RARS1: variants seen among roughly 807,000 people sequenced by gnomAD.
The protein encoded by RARS1 is arginine--tRNA ligase, cytoplasmic.
A neutral mutation model predicts 78.7 loss-of-function variants in RARS1; 75 were observed. That is an observed-to-expected ratio of 0.95 (90% CI 0.79 to 1.15). The LOEUF is 1.15. RARS1 is among the 50% of genes most tolerant of loss of function. RARS1 has a pLI of 0.00. For missense variants in RARS1, 787 were observed against 787.5 expected (o/e 1.00, Z 0.01); for synonymous variants, 273 against 268.2 (o/e 1.02, Z -0.18).
chr5:168,517,477 C>T (rs570725819), intron 13 of RARS1, among the ~76,000 whole-genome samples: 2 of 152,266 alleles, frequency 1.3e-5, no homozygotes, highest in South Asian at 4.1e-4. Context: ...TTTCTGCCTA[C>T]AAGCATCTTT....
chr5:168,494,555 A>G lies in RARS1; in HGVS notation c.484A>G (p.Ile162Val), dbSNP rs750656364. 46 of 1,609,066 alleles carry G rather than the reference A, an allele frequency of 2.9e-5. No individual in the cohort carries two copies. The East Asian group carries it at 6.9e-4, about 24-fold the overall frequency. Residue 162 changes from isoleucine (I) to valine (V), a missense_variant, in exon 5 of 15, where the codon ATT becomes GTT. Ile to Val is a conservative substitution (Grantham distance 29). Coordinates refer to ENST00000231572, the MANE Select transcript of RARS1 (RefSeq NM_002887.4). ...TTTTCTCTTCTATCCATTAGGTTTT[A>G]TTAATGTCCACTTAAGAAAGGATTT... Reference protein sequence around the residue: ...EKVEIAGPGFINVHLRKDFVS... With the variant: ...EKVEIAGPGFVNVHLRKDFVS...
At position 168,518,014 on chromosome 5, in the gene RARS1, A is replaced by G; in HGVS notation, c.1825A>G (p.Thr609Ala). The G allele has an allele frequency of 6.3e-7, 1 of 1,580,594 alleles. No individual in the cohort carries two copies. Among genetic ancestry groups the G allele is most frequent in the Non-Finnish European group, 8.6e-7 (1 of 1,162,584 alleles). ...TATATATGAGCTGGCAACTGCTTTC[A>G]CAGAGTTCTATGATAGCTGCTACTG... ...DYIYELATAF[T>A]EFYDSCYCVE... The change falls in exon 14 of 15, where the codon ACA (threonine) becomes GCA (alanine). Residue 609 changes from threonine to alanine, a missense_variant. Coordinates refer to ENST00000231572, the MANE Select transcript of RARS1 (RefSeq NM_002887.4).
intron 11 of RARS1, among the ~76,000 whole-genome samples, chr5:168,508,261 A>T (rs1256817285): frequency 1.3e-5 from 2 of 152,158 alleles, no homozygotes; most frequent in Non-Finnish European, 1.5e-5. Context: ...GATAATTTTT[A>T]AAATTTTTCT....
intron 6 of RARS1, 141 bp downstream of exon 6, chr5:168,495,577 C>A: frequency 7.7e-7 from 1 of 1,306,308 alleles, no homozygotes; most frequent in Non-Finnish European, 1.0e-6. Context: ...TTACAACCAC[C>A]CAGTAAGCTT....
rs376556548 is a variant in RARS1, at chr5:168,502,382, A to ATTTT, written c.1057+278_1057+279insTTTT. On this transcript the variant is annotated intron_variant, in intron 9 of 14. Transcript: ENST00000231572. ...AACAAATATATATATATATATATAT[A>ATTTT]TATTTTTTTTTTTTAAAACAATCTT... is the stretch of plus-strand genomic sequence containing the variant. 6.7e-3 allele frequency among the ~76,000 whole-genome samples: 800 copies of ATTTT among 119,326 alleles called. 4 individuals carry two copies. The highest frequency in any genetic ancestry group is 9.1e-3 in the Non-Finnish European group (560 of 61,560). 78.3% of individuals were successfully genotyped at this position (119,326 alleles called of 152,430 possible). A position where few individuals can be genotyped will look rare whatever the true frequency, so the allele number is the denominator to read the frequency against.
chr5:168,487,084 C>G (rs969284135), intron 1 of RARS1, among the ~76,000 whole-genome samples: 1 of 152,018 alleles, frequency 6.6e-6, no homozygotes, highest in Non-Finnish European at 1.5e-5. Context: ...TGAAAGCGGC[C>G]GGGCGCGGTG....
chr5:168,506,573 A>C, intron 10 of RARS1, 149 bp from the exon 11 acceptor site: 1 of 616,058 alleles, frequency 1.6e-6, no homozygotes, highest in East Asian at 2.8e-5. Context: ...ATATATAGGG[A>C]ATAAAAGAAG....
rs374984534 is a variant in RARS1, at chr5:168,502,067, A to T, written c.1019A>T (p.Asp340Val). 6.2e-7 allele frequency: 1 copy of T among 1,604,498 alleles called. No homozygotes were observed. The highest frequency in any genetic ancestry group is 8.5e-7 in the Non-Finnish European group (1 of 1,175,622). ...GAGAGAGGGGAATCCTTCTATCAAG[A>T]TAGGATGAATGATATTGTAAAGGAA... ...LIERGESFYQ[D>V]RMNDIVKEFE... Residue 340 changes from aspartate to valine, a missense_variant, in exon 9 of 15, where the codon GAT (aspartate) becomes GTT (valine). Asp to Val is a radical substitution (Grantham distance 152). Coordinates refer to ENST00000231572, the MANE Select transcript of RARS1 (RefSeq NM_002887.4).
At position 168,507,177 on chromosome 5, in the gene RARS1, G is replaced by T. The variant is rs967519054; in HGVS notation, c.1346+346G>T. Reference sequence around the variant, plus strand: ...AATATAGCTTATGCATTTGATAAATGTTTTTGTTTTTTCCTTCAAAGTTGA... The same window carrying T: ...AATATAGCTTATGCATTTGATAAATTTTTTTGTTTTTTCCTTCAAAGTTGA... On this transcript the variant is annotated intron_variant, in intron 11 of 14. Transcript: ENST00000231572. 7.9e-5 allele frequency among the ~76,000 whole-genome samples: 12 copies of T among 152,226 alleles called. 1 individual carries two copies. In the South Asian group the frequency reaches 2.3e-3, roughly 29 times the overall value.
chr5:168,502,396 TAAAACAA>T (rs1758349057), intron 9 of RARS1, among the ~76,000 whole-genome samples: 3 of 143,712 alleles, frequency 2.1e-5, no homozygotes, highest in South Asian at 2.2e-4. Context: ...TTTTTTTTTT[TAAAACAA>T]TCTTGCTATG....
At chr5:168,488,136 C>CTT in intron 1 of RARS1, 4 of 365,082 alleles carry the variant, frequency 1.1e-5, no homozygotes, top group Non-Finnish European at 1.6e-5. Flanking sequence ...TTTTCTTTTT[C>CTT]TTTTTTTTTG....
At chr5:168,492,927 A>G (rs1758115898) in intron 3 of RARS1, 80 bp downstream of exon 3, 6 of 1,256,510 alleles carry the variant, frequency 4.8e-6, no homozygotes, top group East Asian at 2.3e-5. Flanking sequence ...AAATAATACT[A>G]TTACAAGTTG....
chr5:168,500,493 C>T (rs1024809723), intron 7 of RARS1, 98 bp from the exon 8 acceptor site: 42 of 1,160,802 alleles, frequency 3.6e-5, no homozygotes, highest in Non-Finnish European at 4.3e-5. Flanking sequence ...TACTTTCTCA[C>T]TGTGTTTGTG....
intron 2 of RARS1, among the ~76,000 whole-genome samples, chr5:168,491,472 C>T (rs543402280): frequency 6.6e-6 from 1 of 152,294 alleles, no homozygotes; most frequent in Admixed American, 6.5e-5. Flanking sequence ...TATGTTACCA[C>T]AGAGAGGAGT....
At chr5:168,511,039 G>A (rs953178269) in intron 12 of RARS1, among the ~76,000 whole-genome samples, 1 of 152,240 alleles carries the variant, frequency 6.6e-6, no homozygotes, top group Middle Eastern at 3.4e-3. Flanking sequence ...CTTCTTGGGA[G>A]CATTTGTAGA....
intron 13 of RARS1, among the ~76,000 whole-genome samples, chr5:168,517,179 G>GT: frequency 6.6e-6 from 1 of 152,030 alleles, no homozygotes; most frequent in Middle Eastern, 3.4e-3. Flanking sequence ...GTCTCACTCT[G>GT]TTGCCCACGC....
intron 9 of RARS1, among the ~76,000 whole-genome samples, chr5:168,505,690 G>A (rs1281040047): frequency 2.2e-5 from 3 of 137,476 alleles, no homozygotes; most frequent in African/African-American, 8.4e-5. Flanking sequence ...CCTGGGCAAC[G>A]TAGCAAGACT....
intron 4 of RARS1, chr5:168,494,213 T>C: frequency 1.0e-6 from 1 of 978,452 alleles, no homozygotes; most frequent in Non-Finnish European, 1.2e-6. Context: ...TTACTTTGCC[T>C]CTCTGTGATT....
rs1257739625 is a variant in RARS1 at position 168,517,879 on chromosome 5, A to T, written c.1690A>T (p.Ile564Phe). The T allele has an allele frequency of 1.2e-6, 2 of 1,613,706 alleles. No individual in the cohort carries two copies. Among genetic ancestry groups the T allele is most frequent in the Non-Finnish European group, 1.7e-6 (2 of 1,179,992 alleles). Residue 564 changes from isoleucine (I) to phenylalanine (F), a missense_variant, in exon 14 of 15, where the codon ATT becomes TTT. Physicochemically the swap from Ile to Phe is conservative, Grantham distance 21. Transcript: ENST00000231572. ...MLQKAARETK[I>F]LLDHEKEWKL... ...CCAAAAAGCTGCTCGAGAAACCAAG[A>T]TTCTTTTGGATCATGAGAAGGAATG...
Sources: allele counts gnomAD v4.1 joint callset (sites outside exome capture counted in the v4.1 genomes callset), GRCh38; gene constraint gnomAD v4.1.1; transcripts MANE v1.5; gene names NCBI Gene and HGNC (gene_info 2026-07-23, HGNC 2026-07-21).